The following SLC15A1 variants were observed in gnomAD, a reference collection of about 807,000 sequenced individuals.
The protein encoded by SLC15A1 is solute carrier family 15 member 1.
A neutral mutation model predicts 92.9 loss-of-function variants in SLC15A1; 83 were observed. That is an observed-to-expected ratio of 0.89 (90% CI 0.75 to 1.07). The LOEUF is 1.07. SLC15A1 is among the 50% of genes least tolerant of loss of function. The pLI, the probability that SLC15A1 is intolerant of heterozygous loss-of-function variation, is 0.00. For synonymous variants in SLC15A1, 322 were observed against 318.2 expected (o/e 1.01, Z -0.13); for missense variants, 857 against 880.1 (o/e 0.97, Z 0.33).
rs752880385 is a variant in SLC15A1 at position 98,708,156 on chromosome 13, G to A, written c.1149+530C>T. Among the ~76,000 whole-genome samples, 41 of 151,918 alleles carry A rather than the reference G, an allele frequency of 2.7e-4. 1 individual carries two copies. Among genetic ancestry groups the A allele is most frequent in the Non-Finnish European group, 8.8e-5 (6 of 68,006 alleles). On this transcript the variant is annotated intron_variant, in intron 15 of 22. Coordinates refer to ENST00000376503, the MANE Select transcript of SLC15A1 (RefSeq NM_005073.4). The stretch of plus-strand genomic sequence containing the variant: ...GGCAAAGAGAGGGAGGAAGTGGTGG[G>A]GAATGGTGGGGAGAGGGAAGAGACC...
intron 10 of SLC15A1, 75 bp from the exon 11 acceptor site, chr13:98,712,018 T>C: frequency 9.4e-7 from 1 of 1,069,030 alleles, no homozygotes; most frequent in South Asian, 1.3e-5. Flanking sequence ...CAGGTGCTGC[T>C]GATTTCAGTG....
intron 18 of SLC15A1, among the ~76,000 whole-genome samples, chr13:98,700,829 A>C (rs1252390912): frequency 6.6e-6 from 1 of 152,154 alleles, no homozygotes; most frequent in Non-Finnish European, 1.5e-5. Context: ...AATCCATTGA[A>C]CTGTCTTTGC....
rs199996553 is a variant in SLC15A1 at position 98,726,208 on chromosome 13, C to T, written c.160G>A (p.Ala54Thr). 20 of 1,613,948 alleles carry T rather than the reference C, an allele frequency of 1.2e-5. No homozygotes were observed. The highest frequency in any genetic ancestry group is 8.9e-5 in the East Asian group (4 of 44,872). Residue 54 changes from alanine to threonine, a missense_variant, in exon 4 of 23, where the codon GCC (alanine) becomes ACC (threonine). Coordinates refer to ENST00000376503, the MANE Select transcript of SLC15A1 (RefSeq NM_005073.4). ...AGAGCCACAAACGTATGGTAGATGG[C>T]GGTGGACAGGTTATCATCCCAGCTG... ...FISWDDNLST[A>T]IYHTFVALCY...
intron 14 of SLC15A1, 49 bp from the exon 15 acceptor site, chr13:98,708,816 G>T: frequency 6.9e-7 from 1 of 1,456,072 alleles, no homozygotes; most frequent in Non-Finnish European, 9.3e-7. Flanking sequence ...ACATAGATGA[G>T]CTAAGCTAAA....
chr13:98,721,775 G>T lies in SLC15A1; in HGVS notation c.465+29C>A, dbSNP rs56034478. On this transcript the variant is annotated intron_variant, in intron 6 of 22. Transcript: ENST00000376503. ...ACTCCTGGATGTGTAGTTCATTCAC[G>T]TGGGCTCTGGGGAGGCCCCTACCCT... 3,706 of 1,595,630 alleles carry T rather than the reference G, an allele frequency of 2.3e-3. 78 individuals carry two copies. The African/African-American group carries it at 0.041, about 18-fold the overall frequency.
chr13:98,752,519 CG>C, intron 1 of SLC15A1, 75 bp downstream of exon 1: 1 of 1,239,176 alleles, frequency 8.1e-7, no homozygotes, highest in Non-Finnish European at 1.0e-6. Context: ...TCGCGCCTCC[CG>C]GCCCTCGGTG....
chr13:98,731,394 A>G (rs910993244), intron 1 of SLC15A1, among the ~76,000 whole-genome samples: 2 of 152,242 alleles, frequency 1.3e-5, no homozygotes, highest in Non-Finnish European at 2.9e-5. Flanking sequence ...TCATTGCTGT[A>G]GTGCCGTGCG....
intron 15 of SLC15A1, among the ~76,000 whole-genome samples, chr13:98,708,218 C>T (rs1194335965): frequency 1.3e-5 from 2 of 152,100 alleles, no homozygotes; most frequent in African/African-American, 4.8e-5. Context: ...AGGAACTGAT[C>T]TCAGACTACC....
intron 1 of SLC15A1, among the ~76,000 whole-genome samples, chr13:98,748,009 A>G (rs978016172): frequency 3.3e-5 from 5 of 152,236 alleles, no homozygotes; most frequent in Non-Finnish European, 7.3e-5. Flanking sequence ...GCAAACCTAA[A>G]GTAGGCAAAC....
chr13:98,726,861 T>C lies in SLC15A1; in HGVS notation c.5-2A>G, dbSNP rs746604939. 6.2e-7 allele frequency: 1 copy of C among 1,613,300 alleles called. No individual in the cohort carries two copies. Among genetic ancestry groups the C allele is most frequent in the South Asian group, 1.1e-5 (1 of 91,056 alleles). On this transcript the variant is annotated splice_acceptor_variant, in intron 1 of 22. Transcript: ENST00000376503. LOFTEE classifies it high-confidence loss of function. Reference sequence around the variant, plus strand: ...TACTCACGTGTGATTTGGACATTCCTAAAAGAAAAACAGAATCCCAATATT... The same window carrying C: ...TACTCACGTGTGATTTGGACATTCCCAAAAGAAAAACAGAATCCCAATATT...
At chr13:98,707,905 A>ATTT in intron 15 of SLC15A1, among the ~76,000 whole-genome samples, 1 of 144,162 alleles carries the variant, frequency 6.9e-6, no homozygotes, top group African/African-American at 2.6e-5. Flanking sequence ...AAAAAAAAAA[A>ATTT]AAAAAAAAAA....
chr13:98,688,516 T>G lies in SLC15A1; in HGVS notation c.1528A>C (p.Ile510Leu). 1.9e-6 allele frequency: 3 copies of G among 1,614,160 alleles called. No homozygotes were observed. The South Asian group carries it at 3.3e-5, about 18-fold the overall frequency. Residue 510 changes from isoleucine to leucine, a missense_variant, in exon 19 of 23, where the codon ATC becomes CTC. Transcript: ENST00000376503. Reference protein sequence around the residue: ...ITMSGKVYANISSYNASTYQF... With the variant: ...ITMSGKVYANLSSYNASTYQF... ...TATGTGCTGGCATTGTAGCTGCTGA[T>G]GTTTGCATAAACTTTCCCACTCATT...
In SLC15A1 at chr13:98,712,591, G is replaced by A. The variant is rs1176925292; in HGVS notation, c.724-7C>T. The A allele has an allele frequency of 1.9e-6, 3 of 1,600,836 alleles. No homozygotes were observed. The highest frequency in any genetic ancestry group is 2.7e-5 in the African/African-American group (2 of 74,482). ...ATCTATTTTTGATGGCAAACTGAAG[G>A]AAGGAAGAAAAATCGAATTTCAAAA... On this transcript the variant is annotated splice_polypyrimidine_tract_variant and splice_region_variant and intron_variant, in intron 9 of 22. Transcript: ENST00000376503.
intron 18 of SLC15A1, among the ~76,000 whole-genome samples, chr13:98,701,076 CT>C (rs2088063217): frequency 6.6e-6 from 1 of 152,062 alleles, no homozygotes; most frequent in Non-Finnish European, 1.5e-5. Context: ...AAAAATAATG[CT>C]ACGATTTTGA....
intron 18 of SLC15A1, among the ~76,000 whole-genome samples, chr13:98,700,384 C>T (rs553057558): frequency 3.5e-5 from 5 of 144,328 alleles, no homozygotes; most frequent in Non-Finnish European, 4.5e-5. Flanking sequence ...ACTTGGGAGG[C>T]TGAGGCAGAA....
At position 98,729,002 on chromosome 13, in the gene SLC15A1, AAAAAC is replaced by A. The variant is rs1344282127; in HGVS notation, c.5-2148_5-2144del. Among the ~76,000 whole-genome samples, 52 of 147,246 alleles carry A rather than the reference AAAAAC, an allele frequency of 3.5e-4. 8 individuals are homozygous for A. The South Asian group carries it at 4.1e-3, about 12-fold the overall frequency. ...TAAAAAAAAAAAAAAAAAAAAAAAAAAAAACAACAAGCCCCAAAACAAAAAACAAA... is the reference window on the plus strand; with the variant it reads ...TAAAAAAAAAAAAAAAAAAAAAAAAAAACAAGCCCCAAAACAAAAAACAAA... On this transcript the variant is annotated intron_variant, in intron 1 of 22. Coordinates refer to ENST00000376503, the MANE Select transcript of SLC15A1 (RefSeq NM_005073.4).
chr13:98,696,138 G>GAT lies in SLC15A1; in HGVS notation c.1466+6341_1466+6342insAT, dbSNP rs572282250. On this transcript the variant is annotated intron_variant, in intron 18 of 22. Transcript: ENST00000376503. ...TTTTTAAATGGAGCTTTGGGACTGG[G>GAT]CACGGTGGCTCGCAACTGTAATCCC... Among the ~76,000 whole-genome samples, 465 of 151,854 alleles carry GAT rather than the reference G, an allele frequency of 3.1e-3. 2 individuals are homozygous for GAT. Among genetic ancestry groups the GAT allele is most frequent in the Admixed American group, 7.8e-3 (118 of 15,222 alleles).
intron 1 of SLC15A1, among the ~76,000 whole-genome samples, chr13:98,743,696 AC>A (rs1249175273): frequency 2.1e-5 from 2 of 95,734 alleles, no homozygotes; most frequent in South Asian, 3.2e-4. Context: ...TAGTACAGCA[AC>A]CCTTGCTCTC....
At chr13:98,732,913 C>T (rs7995801) in intron 1 of SLC15A1, among the ~76,000 whole-genome samples, 1 of 152,158 alleles carries the variant, frequency 6.6e-6, no homozygotes, top group Non-Finnish European at 1.5e-5. Flanking sequence ...TTCAGGGATA[C>T]GTTCCCTCCC....
Sources: allele counts gnomAD v4.1 joint callset (sites outside exome capture counted in the v4.1 genomes callset), GRCh38; gene constraint gnomAD v4.1.1; transcripts MANE v1.5; gene names NCBI Gene and HGNC (gene_info 2026-07-23, HGNC 2026-07-21).